The following SIPA1L3 variants were observed in gnomAD, a reference collection of about 807,000 sequenced individuals.
SIPA1L3 encodes signal induced proliferation associated 1 like 3.
In SIPA1L3, 59 loss-of-function variants were observed where a neutral mutation model predicts 150.1. The ratio of observed to expected loss-of-function variants is 0.39; its 90% CI spans 0.32 to 0.49. The LOEUF is 0.49. Among genes scored for constraint, SIPA1L3 ranks in the 20% least tolerant of loss-of-function variants. SIPA1L3 has a pLI of 0.86. For synonymous variants in SIPA1L3, 1,070 were observed against 1,077.6 expected (o/e 0.99, Z 0.14); for missense variants, 2,211 against 2,489.5 (o/e 0.89, Z 2.38).
Position 38,110,293 on chromosome 19 carries a change from C to G in SIPA1L3, c.2200C>G (p.Pro734Ala), listed in dbSNP as rs1198292850. ...TIIFQEPGALPFTPKNIRSHF... is the reference protein window; with the variant it reads ...TIIFQEPGALAFTPKNIRSHF... ...CATCTTCCAGGAGCCTGGCGCGCTACCGTTCACCCCCAAGAACATCCGCTC... is the reference window on the plus strand; with the variant it reads ...CATCTTCCAGGAGCCTGGCGCGCTAGCGTTCACCCCCAAGAACATCCGCTC... The change falls in exon 8 of 22, where the codon CCG (proline) becomes GCG (alanine). Residue 734 changes from proline (P) to alanine (A), a missense_variant. Physicochemically the swap from Pro to Ala is conservative, Grantham distance 27 (BLOSUM62 -1). Transcript: ENST00000222345. 3 of 1,614,172 alleles carry G rather than the reference C, an allele frequency of 1.9e-6. No individual in the cohort carries two copies. Among genetic ancestry groups the G allele is most frequent in the East Asian group, 4.5e-5 (2 of 44,888 alleles).
At chr19:38,032,704 A>C (rs1048771288) in intron 2 of SIPA1L3, among the ~76,000 whole-genome samples, 9 of 152,220 alleles carry the variant, frequency 5.9e-5, no homozygotes, top group Middle Eastern at 6.8e-3. Flanking sequence ...ATACAAAAAA[A>C]TTAGCCAACC....
At chr19:38,183,561 C>T (rs1394415143) in intron 16 of SIPA1L3, among the ~76,000 whole-genome samples, 1 of 152,086 alleles carries the variant, frequency 6.6e-6, no homozygotes, top group Non-Finnish European at 1.5e-5. Context: ...CTGGATGCTT[C>T]GGTGCGAGAT....
chr19:37,994,359 C>T (rs75952608), intron 1 of SIPA1L3, among the ~76,000 whole-genome samples: 6 of 152,236 alleles, frequency 3.9e-5, no homozygotes, highest in East Asian at 1.9e-4. Flanking sequence ...GTACAAGTGG[C>T]GCCAGTGTGT....
chr19:38,053,968 A>AT, intron 2 of SIPA1L3, among the ~76,000 whole-genome samples: 1 of 152,192 alleles, frequency 6.6e-6, no homozygotes, highest in East Asian at 1.9e-4. Flanking sequence ...CCAAATACAA[A>AT]TGAGGCAACT....
At chr19:38,088,904 C>T (rs560319123) in intron 4 of SIPA1L3, 53 bp downstream of exon 4, 82 of 1,593,686 alleles carry the variant, frequency 5.1e-5, no homozygotes, top group Middle Eastern at 5.1e-4. Flanking sequence ...ACTCACATCT[C>T]GAGCCAGGTT....
At chr19:38,029,721 C>G (rs1292731999) in intron 2 of SIPA1L3, among the ~76,000 whole-genome samples, 1 of 152,084 alleles carries the variant, frequency 6.6e-6, no homozygotes, top group Non-Finnish European at 1.5e-5. Flanking sequence ...GCTTCAGCCT[C>G]CGGAGTAGCT....
At chr19:38,115,672 T>TC (rs1600091541) in intron 8 of SIPA1L3, among the ~76,000 whole-genome samples, 1 of 152,126 alleles carries the variant, frequency 6.6e-6, no homozygotes, top group Non-Finnish European at 1.5e-5. Context: ...TGCAGCACTC[T>TC]CCCCCAGCTC....
rs34936249 is a variant in SIPA1L3, at chr19:37,911,250, C to CGTGTGT, written c.-379+3907_-379+3912dup. On this transcript the variant is annotated intron_variant, in intron 1 of 21. Coordinates refer to ENST00000222345, the MANE Select transcript of SIPA1L3 (RefSeq NM_015073.3). ...TATTGATTATGTTTGTATGTATGTG[C>CGTGTGT]GTGTGTGTGTGTGTGTGTGTATCGA... Among the ~76,000 whole-genome samples, 618 of 149,724 alleles carry CGTGTGT rather than the reference C, an allele frequency of 4.1e-3. 4 individuals carry two copies. The highest frequency in any genetic ancestry group is 0.014 in the African/African-American group (558 of 40,728).
intron 3 of SIPA1L3, 47 bp downstream of exon 3, chr19:38,083,146 C>A: frequency 1.3e-6 from 2 of 1,508,338 alleles, no homozygotes; most frequent in Non-Finnish European, 1.8e-6. Context: ...CCGAGGCTTG[C>A]CTCCGAGACC....
intron 1 of SIPA1L3, among the ~76,000 whole-genome samples, chr19:38,009,547 G>A (rs574667330): frequency 1.3e-5 from 2 of 152,176 alleles, no homozygotes; most frequent in African/African-American, 4.8e-5. Context: ...GGGTCCTTCT[G>A]TGCCAGTTAC....
At chr19:37,949,971 G>C (rs1252877876) in intron 1 of SIPA1L3, among the ~76,000 whole-genome samples, 1 of 151,632 alleles carries the variant, frequency 6.6e-6, no homozygotes. Flanking sequence ...CAGCTACTCG[G>C]GAGGCTGAGG....
At chr19:37,916,836 T>G (rs1471920333) in intron 1 of SIPA1L3, among the ~76,000 whole-genome samples, 1 of 152,012 alleles carries the variant, frequency 6.6e-6, no homozygotes, top group Non-Finnish European at 1.5e-5. Context: ...GGCATGTGCC[T>G]GTAATCCCAA....
intron 2 of SIPA1L3, among the ~76,000 whole-genome samples, chr19:38,039,613 G>A (rs2145736742): frequency 6.8e-6 from 1 of 146,548 alleles, no homozygotes; most frequent in South Asian, 2.2e-4. Context: ...AGAATTGCTT[G>A]AACCGGGGAG....
At chr19:37,952,678 TA>T (rs2046775483) in intron 1 of SIPA1L3, among the ~76,000 whole-genome samples, 1 of 152,022 alleles carries the variant, frequency 6.6e-6, no homozygotes, top group African/African-American at 2.4e-5. Context: ...GTCTCAAAAA[TA>T]AAATAAAATA....
Position 38,162,387 on chromosome 19 carries a change from A to G in SIPA1L3, c.3780+16A>G. On this transcript the variant is annotated intron_variant, in intron 14 of 21. Transcript: ENST00000222345. ...GCATTCCAAAGTGAGTCTGGGCCCC[A>G]CCCTGCCCTACCGGGGGAGCCAGGC... 2 of 1,595,466 alleles carry G rather than the reference A, an allele frequency of 1.3e-6. No individual in the cohort carries two copies. The highest frequency in any genetic ancestry group is 1.7e-6 in the Non-Finnish European group (2 of 1,164,320).
chr19:37,990,556 A>C (rs1182925718), intron 1 of SIPA1L3, among the ~76,000 whole-genome samples: 1 of 152,226 alleles, frequency 6.6e-6, no homozygotes, highest in Non-Finnish European at 1.5e-5. Flanking sequence ...ACATAACTGC[A>C]GGTGGACGAT....
intron 1 of SIPA1L3, among the ~76,000 whole-genome samples, chr19:37,992,755 G>T (rs922621697): frequency 6.6e-6 from 1 of 152,162 alleles, no homozygotes. Flanking sequence ...GCTCCATGTG[G>T]TTTTTGTGGG....
intron 1 of SIPA1L3, among the ~76,000 whole-genome samples, chr19:37,939,059 C>G (rs964979930): frequency 6.6e-6 from 1 of 152,172 alleles, no homozygotes; most frequent in Non-Finnish European, 1.5e-5. Context: ...TTTCTTTCCC[C>G]TGCTATTCTC....
intron 16 of SIPA1L3, among the ~76,000 whole-genome samples, chr19:38,183,999 A>G (rs1021848611): frequency 1.3e-5 from 2 of 152,198 alleles, no homozygotes; most frequent in Non-Finnish European, 2.9e-5. Flanking sequence ...ATTTTGCTTT[A>G]AAGTGAAAGA....
Sources: allele counts gnomAD v4.1 joint callset (sites outside exome capture counted in the v4.1 genomes callset), GRCh38; gene constraint gnomAD v4.1.1; transcripts MANE v1.5; gene names NCBI Gene and HGNC (gene_info 2026-07-23, HGNC 2026-07-21).